ARHGAP22: variants seen among roughly 807,000 people sequenced by gnomAD.
The protein encoded by ARHGAP22 is Rho GTPase activating protein 22, also known as rho GTPase-activating protein 22.
A neutral mutation model predicts 59.1 loss-of-function variants in ARHGAP22; 48 were observed. The observed-to-expected ratio is 0.81, with a 90% CI of 0.64 to 1.03. The LOEUF (loss-of-function observed/expected upper bound fraction) is 1.03. Ranked by LOEUF, ARHGAP22 falls within the 50% of genes least tolerant of loss-of-function variation. ARHGAP22 has a pLI of 0.00. For missense variants in ARHGAP22, 1,015 were observed against 958.7 expected (o/e 1.06, Z -0.78); for synonymous variants, 445 against 416.4 (o/e 1.07, Z -0.84).
At chr10:48,508,757 C>T (rs1168733756) in intron 3 of ARHGAP22, among the ~76,000 whole-genome samples, 4 of 152,248 alleles carry the variant, frequency 2.6e-5, no homozygotes, top group Non-Finnish European at 5.9e-5. Flanking sequence ...GTATGGGAGG[C>T]ACTGCCCAGG....
chr10:48,513,185 C>T (rs930826903), intron 3 of ARHGAP22, among the ~76,000 whole-genome samples: 3 of 152,222 alleles, frequency 2.0e-5, no homozygotes, highest in African/African-American at 7.2e-5. Flanking sequence ...AATTCCTTAA[C>T]ATTACAGCTG....
At chr10:48,610,316 C>T (rs1016715554) in intron 1 of ARHGAP22, among the ~76,000 whole-genome samples, 14 of 152,156 alleles carry the variant, frequency 9.2e-5, no homozygotes, top group African/African-American at 2.4e-5. Context: ...ACTAGGAAAC[C>T]ACCCAGACAT....
At chr10:48,511,303 G>T (rs1188746148) in intron 3 of ARHGAP22, among the ~76,000 whole-genome samples, 1 of 152,244 alleles carries the variant, frequency 6.6e-6, no homozygotes, top group Admixed American at 6.5e-5. Context: ...TGAGACTGCG[G>T]CCCAGAGAGC....
At chr10:48,501,075 G>GA (rs2051469144) in intron 3 of ARHGAP22, among the ~76,000 whole-genome samples, 1 of 152,104 alleles carries the variant, frequency 6.6e-6, no homozygotes, top group Non-Finnish European at 1.5e-5. Flanking sequence ...AAAAGAAAGT[G>GA]AAAAGACAAA....
At chr10:48,546,120 C>A (rs570648367) in intron 3 of ARHGAP22, among the ~76,000 whole-genome samples, 2 of 152,192 alleles carry the variant, frequency 1.3e-5, no homozygotes, top group Admixed American at 1.3e-4. Flanking sequence ...TGTAAATGCA[C>A]GAAAGACTCA....
At chr10:48,588,010 TG>T (rs1271539700) in intron 1 of ARHGAP22, among the ~76,000 whole-genome samples, 1 of 152,236 alleles carries the variant, frequency 6.6e-6, no homozygotes, top group Non-Finnish European at 1.5e-5. Flanking sequence ...ATGCTGAGCC[TG>T]GCTGAGAGCA....
rs144625284 is a variant in ARHGAP22 at position 48,594,065 on chromosome 10, G to T, written c.34+10698C>A. ...ATCCCCTTACAGGAGTTCTAAAATAGCAATTAAAGGATCATTATTTGATAC... is the reference window on the plus strand; with the variant it reads ...ATCCCCTTACAGGAGTTCTAAAATATCAATTAAAGGATCATTATTTGATAC... On this transcript the variant is annotated intron_variant, in intron 1 of 9. Coordinates refer to ENST00000249601, the MANE Select transcript of ARHGAP22 (RefSeq NM_021226.4). Among the ~76,000 whole-genome samples the T allele has an allele frequency of 1.8e-4, 27 of 152,278 alleles. No homozygotes were observed. In the East Asian group the frequency reaches 2.5e-3, roughly 14 times the overall value.
At chr10:48,471,877 G>A (rs902439734) in intron 4 of ARHGAP22, among the ~76,000 whole-genome samples, 4 of 152,064 alleles carry the variant, frequency 2.6e-5, no homozygotes, top group Non-Finnish European at 5.9e-5. Context: ...GACATTTCTC[G>A]GCTCAAAGCC....
At chr10:48,593,719 C>A (rs193155969) in intron 1 of ARHGAP22, among the ~76,000 whole-genome samples, 1 of 152,202 alleles carries the variant, frequency 6.6e-6, no homozygotes, top group Non-Finnish European at 1.5e-5. Flanking sequence ...ACTTATGAAT[C>A]GTTTATTTCT....
At chr10:48,537,747 C>T (rs573914182) in intron 3 of ARHGAP22, among the ~76,000 whole-genome samples, 1 of 152,286 alleles carries the variant, frequency 6.6e-6, no homozygotes, top group Admixed American at 6.5e-5. Flanking sequence ...CGCAGGCCTC[C>T]GGGAGCGGCA....
chr10:48,603,608 C>G (rs2060511215), intron 1 of ARHGAP22, among the ~76,000 whole-genome samples: 1 of 152,208 alleles, frequency 6.6e-6, no homozygotes, highest in Non-Finnish European at 1.5e-5. Context: ...GAACTAAGCT[C>G]TCGCAGAGGT....
At chr10:48,589,659 G>A (rs2059635809) in intron 1 of ARHGAP22, among the ~76,000 whole-genome samples, 1 of 152,144 alleles carries the variant, frequency 6.6e-6, no homozygotes, top group Admixed American at 6.5e-5. Flanking sequence ...CAGTCCCTTA[G>A]TTTCCAAATC....
chr10:48,534,090 T>C (rs1039142803), intron 3 of ARHGAP22, among the ~76,000 whole-genome samples: 3 of 152,188 alleles, frequency 2.0e-5, no homozygotes, highest in Admixed American at 1.3e-4. Flanking sequence ...GGGGAGGCAG[T>C]AGGGGCAGAG....
At chr10:48,556,360 G>T (rs576575567) in intron 2 of ARHGAP22, among the ~76,000 whole-genome samples, 1 of 152,152 alleles carries the variant, frequency 6.6e-6, no homozygotes, top group Non-Finnish European at 1.5e-5. Context: ...TGTTATAACC[G>T]CTGTGATTGA....
At chr10:48,433,376 A>C in the ARHGAP22 span, among the ~76,000 whole-genome samples, 71 of 152,336 alleles carry the variant, frequency 4.7e-4, no homozygotes, top group East Asian at 8.5e-3. Flanking sequence ...CAAGTCTTAG[A>C]AACTAGTCAT....
At chr10:48,504,263 G>A (rs2051842265) in intron 3 of ARHGAP22, among the ~76,000 whole-genome samples, 1 of 152,206 alleles carries the variant, frequency 6.6e-6, no homozygotes, top group African/African-American at 2.4e-5. Flanking sequence ...CCAGAGGGCT[G>A]GACCCATGCA....
At chr10:48,647,004 G>C (rs1490530998) in intron 1 of ARHGAP22, among the ~76,000 whole-genome samples, 1 of 152,180 alleles carries the variant, frequency 6.6e-6, no homozygotes, top group African/African-American at 2.4e-5. Flanking sequence ...TAATAGATTT[G>C]TATCTAGAAC....
chr10:48,595,459 A>C (rs912290049), intron 1 of ARHGAP22, among the ~76,000 whole-genome samples: 3 of 152,172 alleles, frequency 2.0e-5, no homozygotes, highest in African/African-American at 7.2e-5. Context: ...CAGATGATTT[A>C]TTACCTAATG....
Position 48,513,912 on chromosome 10 carries a change from A to G in ARHGAP22, c.323-34148T>C, listed in dbSNP as rs146274083. Among the ~76,000 whole-genome samples, 830 of 152,356 alleles carry G rather than the reference A, an allele frequency of 5.4e-3. 1 individual carries two copies. Among genetic ancestry groups the G allele is most frequent in the Non-Finnish European group, 7.5e-3 (513 of 68,034 alleles). ...TGTCTATATAATAAAACATAGTGTG[A>G]CAATGATGTCCCACCAATTACAGAA... On this transcript the variant is annotated intron_variant, in intron 3 of 9. Coordinates refer to ENST00000249601, the MANE Select transcript of ARHGAP22 (RefSeq NM_021226.4).
Sources: allele counts gnomAD v4.1 joint callset (sites outside exome capture counted in the v4.1 genomes callset), GRCh38; gene constraint gnomAD v4.1.1; transcripts MANE v1.5; gene names NCBI Gene and HGNC (gene_info 2026-07-23, HGNC 2026-07-21).